The following NEK10 variants were observed in gnomAD, a reference collection of about 807,000 sequenced individuals.
NEK10 encodes NIMA related kinase 10, also known as serine/threonine-protein kinase Nek10.
A neutral mutation model predicts 159.8 loss-of-function variants in NEK10; 122 were observed. The ratio of observed to expected loss-of-function variants is 0.76; its 90% CI spans 0.66 to 0.89. The LOEUF (loss-of-function observed/expected upper bound fraction) is 0.89. Ranked by LOEUF, NEK10 falls within the 40% of genes least tolerant of loss-of-function variation. NEK10 has a pLI of 0.00. For synonymous variants in NEK10, 466 were observed against 457.1 expected, an observed-to-expected ratio of 1.02 and a Z score of -0.25; for missense variants, 1,342 against 1,323.1, an observed-to-expected ratio of 1.01 and a Z score of -0.22.
chr3:27,319,923 T>A (rs896189030), intron 6 of NEK10, among the ~76,000 whole-genome samples: 5 of 151,990 alleles, frequency 3.3e-5, no homozygotes, highest in Admixed American at 1.3e-4. Flanking sequence ...GACCCTGCAG[T>A]ACTGACTGAA....
In NEK10 at chr3:27,297,234, C is replaced by G. The variant is rs758253651; in HGVS notation, c.1175G>C (p.Cys392Ser). The stretch of plus-strand genomic sequence containing the variant: ...GAGCACCAGCTCAGTGAGGGCAGCA[C>G]AGCAGGCTGGAATGACAACAATCAA... ...ENTFSLQAAC[C>S]AALTELVLND... Residue 392 changes from cysteine to serine, a missense_variant, in exon 14 of 36, where the codon TGT becomes TCT. By Grantham distance (112) the Cys-to-Ser change is moderately radical. Coordinates refer to ENST00000691995, the MANE Select transcript of NEK10 (RefSeq NM_001394966.1). 7.4e-6 allele frequency: 12 copies of G among 1,612,036 alleles called. No individual in the cohort carries two copies. Among genetic ancestry groups the G allele is most frequent in the Non-Finnish European group, 1.7e-6 (2 of 1,178,200 alleles).
At chr3:27,220,492 T>C (rs1951986868) in intron 23 of NEK10, among the ~76,000 whole-genome samples, 1 of 152,138 alleles carries the variant, frequency 6.6e-6, no homozygotes, top group African/African-American at 2.4e-5. Context: ...CTCAAATCCA[T>C]CTGCTACCTT....
chr3:27,249,653 G>A (rs528058836), intron 23 of NEK10, among the ~76,000 whole-genome samples: 7 of 152,138 alleles, frequency 4.6e-5, no homozygotes, highest in Non-Finnish European at 8.8e-5. Context: ...AGATCATTGC[G>A]TCTTAGTTTT....
chr3:27,205,413 CA>C (rs1242766756), intron 23 of NEK10, among the ~76,000 whole-genome samples: 1 of 120,048 alleles, frequency 8.3e-6, no homozygotes, highest in East Asian at 2.2e-4. Context: ...AATCCTAAGC[CA>C]AAAGAACAAA....
intron 12 of NEK10, among the ~76,000 whole-genome samples, chr3:27,304,108 C>T (rs909128845): frequency 2.0e-5 from 3 of 152,078 alleles, no homozygotes; most frequent in Non-Finnish European, 2.9e-5. Flanking sequence ...ATCCATTCTC[C>T]GTGCTCCTGA....
chr3:27,280,492 C>T (rs919420039), intron 22 of NEK10, among the ~76,000 whole-genome samples: 6 of 152,234 alleles, frequency 3.9e-5, no homozygotes, highest in East Asian at 1.9e-4. Flanking sequence ...GAACCAAGCA[C>T]GGTAGAATTC....
In NEK10 at chr3:27,291,497, A is replaced by G. The variant is rs769716808; in HGVS notation, c.1463T>C (p.Leu488Pro). The G allele has an allele frequency of 9.3e-6, 15 of 1,608,452 alleles. No homozygotes were observed. The highest frequency in any genetic ancestry group is 1.3e-5 in the Non-Finnish European group (15 of 1,174,830). Residue 488 changes from leucine to proline, a missense_variant, in exon 17 of 36, where the codon CTG (leucine) becomes CCG (proline). By Grantham distance (98) the Leu-to-Pro change is moderately conservative. Coordinates refer to ENST00000691995, the MANE Select transcript of NEK10 (RefSeq NM_001394966.1). ...ISAYEELVSKLNLLVEDELKQ... is the reference protein window; with the variant it reads ...ISAYEELVSKPNLLVEDELKQ... ...CTCAGGACTTACCACTAATAAATTC[A>G]GCTTGGATACCAATTCTTCATAAGC... is the stretch of plus-strand genomic sequence containing the variant.
chr3:27,141,041 A>C (rs1238680698), intron 31 of NEK10, among the ~76,000 whole-genome samples: 2 of 152,172 alleles, frequency 1.3e-5, no homozygotes, highest in Admixed American at 1.3e-4. Flanking sequence ...TACAAGTAGA[A>C]AATTTTAACA....
chr3:27,174,248 T>C (rs2148881032), intron 28 of NEK10, 191 bp downstream of exon 28: 1 of 332,998 alleles, frequency 3.0e-6, no homozygotes, highest in Middle Eastern at 1.5e-3. Context: ...GCTGAGAAAA[T>C]ATAAAACCAC....
At chr3:27,113,916 GTC>G (rs779368767) in intron 35 of NEK10, among the ~76,000 whole-genome samples, 1 of 152,100 alleles carries the variant, frequency 6.6e-6, no homozygotes, top group Non-Finnish European at 1.5e-5. Context: ...ATGATCCCAA[GTC>G]TCTGAGAAAA....
intron 23 of NEK10, among the ~76,000 whole-genome samples, chr3:27,209,448 T>C (rs1489477877): frequency 6.6e-6 from 1 of 152,230 alleles, no homozygotes; most frequent in Non-Finnish European, 1.5e-5. Flanking sequence ...TTTCTATTTC[T>C]CTCATGTTGC....
intron 33 of NEK10, among the ~76,000 whole-genome samples, chr3:27,117,408 C>G (rs1027674298): frequency 6.6e-6 from 1 of 152,208 alleles, no homozygotes; most frequent in African/African-American, 2.4e-5. Flanking sequence ...GCCACACTGT[C>G]TTCCACAATG....
chr3:27,308,053 T>C (rs1030849214), intron 10 of NEK10, 108 bp from the exon 11 acceptor site: 8 of 620,034 alleles, frequency 1.3e-5, no homozygotes, highest in Middle Eastern at 4.3e-4. Context: ...GGGTGATTTA[T>C]AAAGGAAAGA....
intron 5 of NEK10, among the ~76,000 whole-genome samples, chr3:27,328,802 G>C (rs565484703): frequency 2.4e-4 from 37 of 152,286 alleles, no homozygotes; most frequent in African/African-American, 8.2e-4. Context: ...TACTGCAATA[G>C]TCCAAGCAAG....
At chr3:27,201,697 A>C in intron 24 of NEK10, 117 bp from the exon 25 acceptor site, 1 of 709,454 alleles carries the variant, frequency 1.4e-6, no homozygotes, top group Non-Finnish European at 2.4e-6. Context: ...TCACACATAA[A>C]TTTTAGTCAG....
At chr3:27,184,061 C>T (rs1251488885) in intron 26 of NEK10, among the ~76,000 whole-genome samples, 2 of 152,084 alleles carry the variant, frequency 1.3e-5, no homozygotes, top group Non-Finnish European at 2.9e-5. Flanking sequence ...TACCTATAAC[C>T]CTGAAACTCT....
intron 22 of NEK10, among the ~76,000 whole-genome samples, chr3:27,283,725 T>C (rs1014614561): frequency 6.6e-6 from 1 of 152,228 alleles, no homozygotes; most frequent in Admixed American, 6.5e-5. Flanking sequence ...TGCGAAATTT[T>C]ATCCAACATC....
intron 23 of NEK10, among the ~76,000 whole-genome samples, chr3:27,205,976 AT>A (rs1268826877): frequency 1.1e-5 from 1 of 94,910 alleles, no homozygotes; most frequent in East Asian, 2.6e-4. Context: ...AAGGGCTAAT[AT>A]CCAGAATCTA....
intron 4 of NEK10, 31 bp downstream of exon 4, chr3:27,346,055 C>G: frequency 2.5e-6 from 4 of 1,610,168 alleles, no homozygotes; most frequent in Non-Finnish European, 3.4e-6. Flanking sequence ...GAATAAGTTG[C>G]TGAAGACGAA....
Sources: allele counts gnomAD v4.1 joint callset (sites outside exome capture counted in the v4.1 genomes callset), GRCh38; gene constraint gnomAD v4.1.1; transcripts MANE v1.5; gene names NCBI Gene and HGNC (gene_info 2026-07-23, HGNC 2026-07-21).